Variants in PROSER1 observed in about 807,000 individuals in gnomAD.
The protein encoded by PROSER1 is proline and serine-rich protein 1.
PROSER1 carries 36 observed loss-of-function variants against 71.8 expected under a neutral mutation model. The ratio of observed to expected loss-of-function variants is 0.50; its 90% CI spans 0.38 to 0.66. PROSER1 has a LOEUF of 0.66. PROSER1 is among the 30% of genes least tolerant of loss of function. PROSER1 has a pLI of 0.00. For synonymous variants in PROSER1, 490 were observed against 452.4 expected (o/e 1.08, Z -1.06); for missense variants, 1,107 against 1,135.0 (o/e 0.98, Z 0.35).
In PROSER1 at chr13:39,014,223, G is replaced by A; in HGVS notation, c.1029C>T (p.Pro343=). Residue 343 remains proline, a synonymous_variant, in exon 11 of 13, where the codon CCC becomes CCT. Coordinates refer to ENST00000352251, the MANE Select transcript of PROSER1 (RefSeq NM_025138.5). ...TGTGGATGGATGTAACAGGTGCAGT[G>A]GGCAATGAAGGGGTTCTGATAACTG... ...NPTVIRTPSL[P]TAPVTSIHST... The A allele has an allele frequency of 6.2e-7, 1 of 1,614,140 alleles. No homozygotes were observed. The highest frequency in any genetic ancestry group is 8.5e-7 in the Non-Finnish European group (1 of 1,180,036).
chr13:39,012,561 A>T (rs2296648), intron 11 of PROSER1, 130 bp downstream of exon 11: 125,709 of 742,998 alleles, frequency 0.17, 12,140 homozygotes, highest in African/African-American at 0.34. Context: ...AAAACATTTC[A>T]GAGTGCTAAA....
chr13:39,033,707 A>G (rs1704213570), intron 2 of PROSER1, among the ~76,000 whole-genome samples: 1 of 152,162 alleles, frequency 6.6e-6, no homozygotes, highest in Non-Finnish European at 1.5e-5. Flanking sequence ...TATTTTTCTT[A>G]CTGTTGAAAT....
intron 12 of PROSER1, 27 bp from the exon 13 acceptor site, chr13:39,011,514 A>G: frequency 1.2e-6 from 2 of 1,611,250 alleles, no homozygotes; most frequent in African/African-American, 1.3e-5. Flanking sequence ...CGTGTGGTTT[A>G]GCAGAGTGCC....
At chr13:39,015,017 T>C (rs1232155202) in intron 10 of PROSER1, among the ~76,000 whole-genome samples, 2 of 150,964 alleles carry the variant, frequency 1.3e-5, no homozygotes, top group South Asian at 2.1e-4. Flanking sequence ...CCCCCATACA[T>C]TTGCTCATAC....
intron 10 of PROSER1, among the ~76,000 whole-genome samples, chr13:39,015,610 AAAC>A (rs1479825616): frequency 1.3e-5 from 2 of 152,222 alleles, no homozygotes; most frequent in East Asian, 1.9e-4. Flanking sequence ...AAATGGAGGT[AAAC>A]AACACATACA....
chr13:39,014,434 G>T lies in PROSER1; in HGVS notation c.818C>A (p.Ser273Tyr). The T allele has an allele frequency of 6.2e-7, 1 of 1,613,556 alleles. No individual in the cohort carries two copies. Among genetic ancestry groups the T allele is most frequent in the Non-Finnish European group, 8.5e-7 (1 of 1,179,586 alleles). Reference protein sequence around the residue: ...PASQLFSPHGSNPSTPAATPV... With the variant: ...PASQLFSPHGYNPSTPAATPV... ...AGTTGCAGCAGGTGTTGAAGGATTA[G>T]AACCATGAGGAGAAAAGAGTTGACT... Residue 273 changes from serine to tyrosine, a missense_variant, in exon 11 of 13, where the codon TCT becomes TAT. Physicochemically the swap from Ser to Tyr is moderately radical, Grantham distance 144 (BLOSUM62 -2). Transcript: ENST00000352251.
chr13:39,035,609 A>C (rs1593544318), intron 1 of PROSER1, among the ~76,000 whole-genome samples: 1 of 152,188 alleles, frequency 6.6e-6, no homozygotes, highest in African/African-American at 2.4e-5. Flanking sequence ...TAATCAGTTA[A>C]CCATTGCTTT....
Position 39,013,306 on chromosome 13 carries a change from G to A in PROSER1, c.1946C>T (p.Pro649Leu). Residue 649 changes from proline to leucine, a missense_variant, in exon 11 of 13, where the codon CCC becomes CTC. Physicochemically the swap from Pro to Leu is moderately conservative, Grantham distance 98. Coordinates refer to ENST00000352251, the MANE Select transcript of PROSER1 (RefSeq NM_025138.5). ...LGRAYTSTSV[P>L]ISLSACLNPA... Reference sequence around the variant, plus strand: ...ATTAAGGCAAGCAGATAAACTGATGGGCACGGATGTTGAAGTATATGCACG... The same window carrying A: ...ATTAAGGCAAGCAGATAAACTGATGAGCACGGATGTTGAAGTATATGCACG... The A allele has an allele frequency of 6.2e-7, 1 of 1,614,152 alleles. No individual in the cohort carries two copies. Among genetic ancestry groups the A allele is most frequent in the Non-Finnish European group, 8.5e-7 (1 of 1,180,038 alleles).
At chr13:39,023,463 T>G (rs1289091769) in intron 7 of PROSER1, 1 of 193,630 alleles carries the variant, frequency 5.2e-6, no homozygotes, top group Non-Finnish European at 1.1e-5. Flanking sequence ...TCCTCCTACA[T>G]AACAAAGACA....
intron 3 of PROSER1, among the ~76,000 whole-genome samples, chr13:39,030,093 T>C (rs897483000): frequency 1.3e-5 from 2 of 152,094 alleles, no homozygotes; most frequent in Admixed American, 6.6e-5. Context: ...CTCCTAAAAT[T>C]TGGAGGAGTG....
chr13:39,030,720 C>G (rs1158754341), intron 3 of PROSER1, among the ~76,000 whole-genome samples: 1 of 152,108 alleles, frequency 6.6e-6, no homozygotes, highest in African/African-American at 2.4e-5. Context: ...GGCCACCACC[C>G]CAAGCCCCTT....
intron 5 of PROSER1, 28 bp from the exon 6 acceptor site, chr13:39,026,415 G>T: frequency 6.8e-7 from 1 of 1,467,214 alleles, no homozygotes; most frequent in Non-Finnish European, 9.4e-7. Flanking sequence ...AGAGGGGTAG[G>T]AAAAAAATTC....
chr13:39,032,975 C>T (rs1301404453), intron 2 of PROSER1, among the ~76,000 whole-genome samples: 7 of 151,332 alleles, frequency 4.6e-5, no homozygotes, highest in African/African-American at 1.7e-4. Context: ...GGCTGGAGCG[C>T]AATGGCGCGA....
chr13:39,034,200 A>C lies in PROSER1; in HGVS notation c.46-4T>G. The C allele has an allele frequency of 6.6e-7, 1 of 1,517,886 alleles. No individual in the cohort carries two copies. The highest frequency in any genetic ancestry group is 8.9e-7 in the Non-Finnish European group (1 of 1,124,298). 94.0% of individuals were successfully genotyped at this position (1,517,886 alleles called of 1,614,324 possible). ...ATTTGTATTCTGTCAAAACAGCCTAAAAAAAAAAAACACACACACACAGAG... is the reference window on the plus strand; with the variant it reads ...ATTTGTATTCTGTCAAAACAGCCTACAAAAAAAAAACACACACACACAGAG... On this transcript the variant is annotated splice_region_variant and splice_polypyrimidine_tract_variant and intron_variant, in intron 1 of 12. Coordinates refer to ENST00000352251, the MANE Select transcript of PROSER1 (RefSeq NM_025138.5).
At chr13:39,034,102 G>C in intron 2 of PROSER1, 29 bp downstream of exon 2, 1 of 1,475,512 alleles carries the variant, frequency 6.8e-7, no homozygotes, top group Non-Finnish European at 9.1e-7. Flanking sequence ...TAAAAAGAAA[G>C]CTTTGTTTAA....
At chr13:39,017,236 C>T (rs558183824) in intron 10 of PROSER1, among the ~76,000 whole-genome samples, 9 of 152,200 alleles carry the variant, frequency 5.9e-5, no homozygotes, top group Admixed American at 2.6e-4. Flanking sequence ...TGCAAAGCTA[C>T]GCAGTACTTA....
chr13:39,035,310 T>C (rs1871045509), intron 1 of PROSER1, among the ~76,000 whole-genome samples: 1 of 152,168 alleles, frequency 6.6e-6, no homozygotes, highest in African/African-American at 2.4e-5. Context: ...ATCTCAATTC[T>C]TCCATCAATG....
chr13:39,019,454 T>C (rs1870178970), intron 9 of PROSER1, among the ~76,000 whole-genome samples: 2 of 142,780 alleles, frequency 1.4e-5, no homozygotes, highest in Non-Finnish European at 3.0e-5. Context: ...AGGCGGAGGT[T>C]GTGGTGAGCC....
At position 39,026,400 on chromosome 13, in the gene PROSER1, A is replaced by G. The variant is rs763704909; in HGVS notation, c.370-13T>C. The stretch of plus-strand genomic sequence containing the variant: ...CCCCCTTGAAAGCCTGTAATATAAG[A>G]AAGAAGAGGGGTAGGAAAAAAATTC... On this transcript the variant is annotated splice_polypyrimidine_tract_variant and intron_variant, in intron 5 of 12. Coordinates refer to ENST00000352251, the MANE Select transcript of PROSER1 (RefSeq NM_025138.5). 1 of 1,564,238 alleles carries G rather than the reference A, an allele frequency of 6.4e-7. No individual in the cohort carries two copies. Among genetic ancestry groups the G allele is most frequent in the South Asian group, 1.1e-5 (1 of 87,444 alleles).
Sources: gnomAD v4.1 joint callset for allele counts (sites outside exome capture counted in the v4.1 genomes callset) on GRCh38, gnomAD v4.1.1 for gene constraint, MANE v1.5 for transcripts, NCBI Gene and HGNC (gene_info 2026-07-23, HGNC 2026-07-21) for gene names.